IQCJ: variants seen among roughly 807,000 people sequenced by gnomAD.
The protein encoded by IQCJ is IQ motif containing J, also known as IQ domain-containing protein J.
IQCJ carries 9 observed loss-of-function variants against 11.0 expected under a neutral mutation model. That is an observed-to-expected ratio of 0.82 (90% CI 0.49 to 1.43). The LOEUF (loss-of-function observed/expected upper bound fraction) is 1.43. Among genes scored for constraint, IQCJ ranks in the 40% most tolerant of loss-of-function variants. The probability of loss-of-function intolerance (pLI) is 0.00; values close to 1 mark genes in which losing one functional copy is unlikely to be tolerated. For synonymous variants in IQCJ, 55 were observed against 51.3 expected, an observed-to-expected ratio of 1.07 and a Z score of -0.31; for missense variants, 146 against 133.2, an observed-to-expected ratio of 1.10 and a Z score of -0.47.
chr3:159,219,714 T>C (rs1725429265), intron 1 of IQCJ, among the ~76,000 whole-genome samples: 1 of 152,172 alleles, frequency 6.6e-6, no homozygotes, highest in Non-Finnish European at 1.5e-5. Flanking sequence ...TGCGGGCCTG[T>C]CTTAACAATA....
chr3:159,077,794 C>T (rs1203837790), intron 1 of IQCJ, among the ~76,000 whole-genome samples: 1 of 151,972 alleles, frequency 6.6e-6, no homozygotes, highest in African/African-American at 2.4e-5. Context: ...GCATATATTG[C>T]TTTTACAACT....
At chr3:159,173,194 A>G (rs983094928) in intron 1 of IQCJ, among the ~76,000 whole-genome samples, 1 of 152,170 alleles carries the variant, frequency 6.6e-6, no homozygotes, top group African/African-American at 2.4e-5. Context: ...CAGAGCTTAA[A>G]TTGTCAAAAA....
At chr3:159,153,873 G>A (rs765107483) in intron 1 of IQCJ, among the ~76,000 whole-genome samples, 2 of 152,212 alleles carry the variant, frequency 1.3e-5, no homozygotes, top group Non-Finnish European at 2.9e-5. Context: ...GCTGTCTGTG[G>A]TTGTAGAGTT....
intron 1 of IQCJ, among the ~76,000 whole-genome samples, chr3:159,182,523 T>C (rs1028221738): frequency 2.6e-5 from 4 of 151,942 alleles, no homozygotes; most frequent in Non-Finnish European, 5.9e-5. Context: ...GCCGGGGGCA[T>C]CGGCAAGACT....
chr3:159,165,522 A>C (rs1400344768), intron 1 of IQCJ, among the ~76,000 whole-genome samples: 1 of 152,190 alleles, frequency 6.6e-6, no homozygotes, highest in Non-Finnish European at 1.5e-5. Context: ...CTGTATTTTC[A>C]ATTACAACAG....
intron 1 of IQCJ, among the ~76,000 whole-genome samples, chr3:159,154,540 C>G (rs538727342): frequency 1.2e-4 from 19 of 152,184 alleles, no homozygotes; most frequent in Middle Eastern, 3.4e-3. Context: ...GGCCTTTGAA[C>G]TTGGCAGGCA....
intron 1 of IQCJ, among the ~76,000 whole-genome samples, chr3:159,128,696 G>A (rs189297779): frequency 1.3e-5 from 2 of 152,100 alleles, no homozygotes; most frequent in Admixed American, 1.3e-4. Flanking sequence ...GGCCAGATTA[G>A]TCTCCCTAAA....
chr3:159,083,155 T>C (rs1716446504), intron 1 of IQCJ, among the ~76,000 whole-genome samples: 1 of 152,086 alleles, frequency 6.6e-6, no homozygotes, highest in South Asian at 2.1e-4. Flanking sequence ...AAAGACCTTG[T>C]CAACAGAAAG....
intron 1 of IQCJ, among the ~76,000 whole-genome samples, chr3:159,151,943 T>G (rs60049591): frequency 0.034 from 5,224 of 152,304 alleles, 304 homozygotes; most frequent in African/African-American, 0.12. Context: ...TCAGACTAGA[T>G]TATTTTTAAG....
intron 1 of IQCJ, among the ~76,000 whole-genome samples, chr3:159,166,117 A>C (rs1193218848): frequency 6.6e-6 from 1 of 152,066 alleles, no homozygotes; most frequent in East Asian, 1.9e-4. Flanking sequence ...TGCAGGAAGG[A>C]GTTGCTAAGC....
intron 1 of IQCJ, among the ~76,000 whole-genome samples, chr3:159,219,802 A>T (rs573126073): frequency 5.9e-5 from 9 of 152,214 alleles, no homozygotes; most frequent in African/African-American, 2.2e-4. Flanking sequence ...TTGTGGTCTC[A>T]GCTGGAAAGA....
At chr3:159,232,458 T>C (rs894034738) in intron 1 of IQCJ, among the ~76,000 whole-genome samples, 2 of 143,752 alleles carry the variant, frequency 1.4e-5, no homozygotes, top group African/African-American at 2.6e-5. Context: ...TTTCTTTTTT[T>C]TTTTTTTTTT....
chr3:159,154,565 C>T (rs1209913209), intron 1 of IQCJ, among the ~76,000 whole-genome samples: 7 of 152,094 alleles, frequency 4.6e-5, no homozygotes, highest in African/African-American at 9.7e-5. Context: ...TACAAGGGGG[C>T]CTTCTCCTCA....
chr3:159,135,050 T>C (rs1553779134), intron 1 of IQCJ, among the ~76,000 whole-genome samples: 1 of 152,156 alleles, frequency 6.6e-6, no homozygotes, highest in Non-Finnish European at 1.5e-5. Context: ...GGCTGGCCAA[T>C]AGAGGGAGGC....
intron 1 of IQCJ, among the ~76,000 whole-genome samples, chr3:159,096,398 T>G (rs1443402898): frequency 6.8e-6 from 1 of 147,086 alleles, no homozygotes; most frequent in African/African-American, 2.5e-5. Flanking sequence ...TTTTGTCTTT[T>G]GTTGCCATTG....
intron 1 of IQCJ, among the ~76,000 whole-genome samples, chr3:159,115,189 T>C (rs1008113292): frequency 2.0e-5 from 3 of 152,204 alleles, no homozygotes; most frequent in Non-Finnish European, 1.5e-5. Flanking sequence ...GTTTATTTCT[T>C]GTCCACTCTC....
chr3:159,255,357 G>A (rs1727839081), intron 3 of IQCJ, among the ~76,000 whole-genome samples: 1 of 152,160 alleles, frequency 6.6e-6, no homozygotes, highest in South Asian at 2.1e-4. Flanking sequence ...TGGAGGTGCT[G>A]TGGCAAGGCA....
At chr3:159,083,111 G>A (rs1279737401) in intron 1 of IQCJ, among the ~76,000 whole-genome samples, 1 of 151,974 alleles carries the variant, frequency 6.6e-6, no homozygotes, top group Non-Finnish European at 1.5e-5. Flanking sequence ...CTGTCAAATT[G>A]GACATTATCA....
intron 1 of IQCJ, among the ~76,000 whole-genome samples, chr3:159,202,029 G>T (rs930339990): frequency 2.0e-5 from 3 of 152,168 alleles, no homozygotes; most frequent in Non-Finnish European, 4.4e-5. Flanking sequence ...CCTCTAACTA[G>T]TATGTGAACT....
Sources: gnomAD v4.1 joint callset for allele counts (sites outside exome capture counted in the v4.1 genomes callset) on GRCh38, gnomAD v4.1.1 for gene constraint, MANE v1.5 for transcripts, NCBI Gene and HGNC (gene_info 2026-07-23, HGNC 2026-07-21) for gene names.